The following ADK variants were observed in gnomAD, a reference collection of about 807,000 sequenced individuals.
ADK encodes adenosine kinase.
Under a neutral mutation model 44.7 loss-of-function variants are expected in ADK, and 24 were observed. That is an observed-to-expected ratio of 0.54 (90% CI 0.39 to 0.76). The LOEUF is 0.76. Among genes scored for constraint, ADK ranks in the 30% least tolerant of loss-of-function variants. ADK has a pLI of 0.00. For synonymous variants in ADK, 128 were observed against 142.6 expected, an observed-to-expected ratio of 0.90 and a Z score of 0.73; for missense variants, 321 against 425.1, an observed-to-expected ratio of 0.76 and a Z score of 2.15.
At chr10:74,199,516 T>A (rs1564587819) in intron 1 of ADK, among the ~76,000 whole-genome samples, 2 of 152,138 alleles carry the variant, frequency 1.3e-5, no homozygotes, top group Non-Finnish European at 2.9e-5. Context: ...AAGGACATGA[T>A]TTCGTTCTTT....
chr10:74,377,588 G>C (rs1041413566), intron 4 of ADK, among the ~76,000 whole-genome samples: 1 of 152,192 alleles, frequency 6.6e-6, no homozygotes, highest in Non-Finnish European at 1.5e-5. Flanking sequence ...AAACTGACCA[G>C]TCCATGGTCA....
intron 7 of ADK, among the ~76,000 whole-genome samples, chr10:74,574,675 A>C (rs1243118730): frequency 6.6e-6 from 1 of 152,232 alleles, no homozygotes; most frequent in African/African-American, 2.4e-5. Context: ...ACAATACCAT[A>C]ATCCTTCAGG....
chr10:74,610,815 T>C (rs1186679384), intron 9 of ADK, among the ~76,000 whole-genome samples: 1 of 152,004 alleles, frequency 6.6e-6, no homozygotes, highest in Non-Finnish European at 1.5e-5. Flanking sequence ...CTTCATACAA[T>C]AAAACCTTAT....
chr10:74,571,035 A>C (rs1448287217), intron 7 of ADK, among the ~76,000 whole-genome samples: 1 of 152,184 alleles, frequency 6.6e-6, no homozygotes, highest in Admixed American at 6.5e-5. Flanking sequence ...TTCTGCATCT[A>C]TTGAGATAAT....
intron 4 of ADK, among the ~76,000 whole-genome samples, chr10:74,334,771 G>C (rs1841350307): frequency 1.3e-5 from 2 of 152,088 alleles, no homozygotes; most frequent in African/African-American, 4.8e-5. Context: ...TTCATAGGGG[G>C]AGGGCTGGTC....
At chr10:74,623,987 A>G (rs1376904795) in intron 9 of ADK, among the ~76,000 whole-genome samples, 2 of 152,142 alleles carry the variant, frequency 1.3e-5, no homozygotes, top group African/African-American at 4.8e-5. Flanking sequence ...TTTGGCTGAA[A>G]CACTGCATGC....
chr10:74,542,598 C>T (rs900410564), intron 7 of ADK, among the ~76,000 whole-genome samples: 3 of 152,106 alleles, frequency 2.0e-5, no homozygotes, highest in Non-Finnish European at 4.4e-5. Flanking sequence ...TGTCGCTCCT[C>T]CCTTATCCCT....
chr10:74,593,583 A>C (rs764754125), intron 8 of ADK, among the ~76,000 whole-genome samples: 4 of 152,210 alleles, frequency 2.6e-5, no homozygotes, highest in Non-Finnish European at 5.9e-5. Flanking sequence ...CCAGGAACTG[A>C]CAGAAGGCCA....
At chr10:74,473,694 T>C (rs1277197489) in intron 6 of ADK, among the ~76,000 whole-genome samples, 1 of 152,232 alleles carries the variant, frequency 6.6e-6, no homozygotes, top group African/African-American at 2.4e-5. Flanking sequence ...GTGTACGTAG[T>C]ATCAATCTGT....
intron 3 of ADK, among the ~76,000 whole-genome samples, chr10:74,296,873 CAAAG>C (rs1839837737): frequency 1.3e-5 from 2 of 152,110 alleles, no homozygotes; most frequent in African/African-American, 4.8e-5. Flanking sequence ...CTCGGCCTCC[CAAAG>C]TGCTGGGATT....
At chr10:74,535,810 T>C (rs1849430735) in intron 7 of ADK, among the ~76,000 whole-genome samples, 1 of 152,096 alleles carries the variant, frequency 6.6e-6, no homozygotes, top group African/African-American at 2.4e-5. Context: ...TTTGAACTCC[T>C]GGCCTCAAGT....
intron 7 of ADK, 90 bp downstream of exon 7, chr10:74,525,516 T>A: frequency 8.4e-7 from 1 of 1,193,342 alleles, no homozygotes. Context: ...ATATATAAAT[T>A]AAATCCTAAA....
intron 1 of ADK, among the ~76,000 whole-genome samples, chr10:74,198,320 A>G (rs1300823533): frequency 3.3e-5 from 5 of 152,234 alleles, no homozygotes. Context: ...AAGTAAGTGT[A>G]TTATCTTTCC....
intron 6 of ADK, among the ~76,000 whole-genome samples, chr10:74,417,718 C>G (rs1844420556): frequency 1.3e-5 from 2 of 150,700 alleles, no homozygotes; most frequent in Non-Finnish European, 2.9e-5. Context: ...GGTAGGATTT[C>G]TAAGGCATGG....
At chr10:74,670,783 A>G (rs1247383830) in intron 10 of ADK, among the ~76,000 whole-genome samples, 1 of 152,204 alleles carries the variant, frequency 6.6e-6, no homozygotes, top group African/African-American at 2.4e-5. Flanking sequence ...GGCAAATTTT[A>G]TGTGAACTAA....
At chr10:74,616,757 A>T (rs1346561341) in intron 9 of ADK, among the ~76,000 whole-genome samples, 1 of 152,166 alleles carries the variant, frequency 6.6e-6, no homozygotes, top group Non-Finnish European at 1.5e-5. Flanking sequence ...GGAATTTTTT[A>T]AAAATTCCTT....
intron 1 of ADK, among the ~76,000 whole-genome samples, chr10:74,191,355 A>T (rs1277417208): frequency 6.6e-6 from 1 of 151,962 alleles, no homozygotes; most frequent in Non-Finnish European, 1.5e-5. Context: ...TTACTCTGCC[A>T]TTCCCAATGA....
intron 1 of ADK, among the ~76,000 whole-genome samples, chr10:74,199,653 C>T (rs1246063188): frequency 2.0e-5 from 3 of 151,920 alleles, no homozygotes; most frequent in Non-Finnish European, 4.4e-5. Flanking sequence ...TAAACATATC[C>T]CTTTTTGGTA....
chr10:74,255,878 A>G (rs770213093), intron 3 of ADK, among the ~76,000 whole-genome samples: 6 of 152,152 alleles, frequency 3.9e-5, no homozygotes, highest in Non-Finnish European at 7.4e-5. Flanking sequence ...TTTTCTAGAC[A>G]TTTGTTAGCC....
Sources: gnomAD v4.1 joint callset for allele counts (sites outside exome capture counted in the v4.1 genomes callset) on GRCh38, gnomAD v4.1.1 for gene constraint, MANE v1.5 for transcripts, NCBI Gene and HGNC (gene_info 2026-07-23, HGNC 2026-07-21) for gene names.